CTDSPL: variants seen among roughly 807,000 people sequenced by gnomAD.
CTDSPL encodes CTD small phosphatase-like protein.
CTDSPL carries 8 observed loss-of-function variants against 30.5 expected under a neutral mutation model. The observed-to-expected ratio is 0.26, with a 90% CI of 0.15 to 0.47. CTDSPL has a LOEUF of 0.47. Among genes scored for constraint, CTDSPL ranks in the 20% least tolerant of loss-of-function variants. CTDSPL has a pLI of 0.99. For missense variants in CTDSPL, 248 were observed against 366.1 expected (o/e 0.68, Z 2.63); for synonymous variants, 110 against 137.9 (o/e 0.80, Z 1.42).
chr3:37,895,477 G>A (rs1410279505), intron 1 of CTDSPL, among the ~76,000 whole-genome samples: 1 of 152,154 alleles, frequency 6.6e-6, no homozygotes, highest in Non-Finnish European at 1.5e-5. Context: ...TTGTCCCAAA[G>A]TCTGTCACCC....
At chr3:37,910,639 T>G (rs1198807036) in intron 1 of CTDSPL, among the ~76,000 whole-genome samples, 3 of 152,234 alleles carry the variant, frequency 2.0e-5, no homozygotes, top group African/African-American at 7.2e-5. Context: ...GAGTGTATAT[T>G]TAAATATATT....
At chr3:37,905,542 G>A (rs954173443) in intron 1 of CTDSPL, among the ~76,000 whole-genome samples, 1 of 152,204 alleles carries the variant, frequency 6.6e-6, no homozygotes, top group East Asian at 1.9e-4. Flanking sequence ...AGAATACTCT[G>A]TCAGTTCACA....
At chr3:37,979,920 CAG>C (rs1699470844) in intron 7 of CTDSPL, among the ~76,000 whole-genome samples, 1 of 152,154 alleles carries the variant, frequency 6.6e-6, no homozygotes, top group Non-Finnish European at 1.5e-5. Flanking sequence ...TAAATAAAGA[CAG>C]AGAAGTGTGT....
At chr3:37,878,415 T>C (rs1698162851) in intron 1 of CTDSPL, among the ~76,000 whole-genome samples, 1 of 152,242 alleles carries the variant, frequency 6.6e-6, no homozygotes, top group South Asian at 2.1e-4. Context: ...CAGTTGTTTC[T>C]GCATCATTTA....
intron 4 of CTDSPL, among the ~76,000 whole-genome samples, chr3:37,964,953 CTTT>C (rs1328049788): frequency 6.6e-6 from 1 of 152,166 alleles, no homozygotes; most frequent in Non-Finnish European, 1.5e-5. Context: ...TGCAGAAATA[CTTT>C]TCAGGTGGCA....
chr3:37,875,551 C>T (rs72862293), intron 1 of CTDSPL, among the ~76,000 whole-genome samples: 1 of 152,108 alleles, frequency 6.6e-6, no homozygotes, highest in Admixed American at 6.5e-5. Context: ...ATAAATGTAG[C>T]CTTTTAGTAC....
At chr3:37,872,615 C>A (rs1171683477) in intron 1 of CTDSPL, among the ~76,000 whole-genome samples, 1 of 126,330 alleles carries the variant, frequency 7.9e-6, no homozygotes, top group African/African-American at 3.1e-5. Flanking sequence ...CACTCTGTTG[C>A]CCAGGCTGGA....
Position 37,862,903 on chromosome 3 carries a change from G to T in CTDSPL, c.79+625G>T, listed in dbSNP as rs1046920430. On this transcript the variant is annotated intron_variant, in intron 1 of 7. Transcript: ENST00000273179. The surrounding 1 kb of genome is among the most constrained non-coding windows in gnomAD (Gnocchi z 4.3). ...ACACCACCCAACTGGCGGATTGAAT[G>T]TGTTGTATACATCTACTGGGAGGGC... is the stretch of plus-strand genomic sequence containing the variant. Among the ~76,000 whole-genome samples the T allele has an allele frequency of 2.0e-5, 3 of 152,180 alleles. No homozygotes were observed. Among genetic ancestry groups the T allele is most frequent in the Admixed American group, 6.5e-5 (1 of 15,280 alleles).
intron 1 of CTDSPL, chr3:37,911,569 C>G: frequency 2.4e-6 from 1 of 420,580 alleles, no homozygotes; most frequent in East Asian, 7.1e-5. Flanking sequence ...GTAGCTATTT[C>G]TAATTCCACT....
chr3:37,967,779 T>C, intron 4 of CTDSPL, 47 bp from the exon 5 acceptor site: 1 of 1,414,512 alleles, frequency 7.1e-7, no homozygotes, highest in Admixed American at 2.3e-5. Flanking sequence ...TTTCCAGAGT[T>C]TTTTTGTTCC....
Position 37,967,324 on chromosome 3 carries a change from C to A in CTDSPL, c.370-502C>A, listed in dbSNP as rs1042241070. ...GTGTGGCCTGCGGCCTCTGACTTTA[C>A]CCCCACATGGCCTTGTTACTGTTTT... On this transcript the variant is annotated intron_variant, in intron 4 of 7. Transcript: ENST00000273179. Among the ~76,000 whole-genome samples, 3 of 152,250 alleles carry A rather than the reference C, an allele frequency of 2.0e-5. No individual in the cohort carries two copies. In the East Asian group the frequency reaches 5.8e-4, roughly 29 times the overall value.
At chr3:37,976,102 T>C (rs1026809997) in intron 7 of CTDSPL, among the ~76,000 whole-genome samples, 15 of 152,174 alleles carry the variant, frequency 9.9e-5, no homozygotes, top group African/African-American at 3.6e-4. Flanking sequence ...ATGGGAATTA[T>C]AGGAATGCTG....
chr3:37,964,915 G>A (rs1351475069), intron 4 of CTDSPL, among the ~76,000 whole-genome samples: 2 of 152,318 alleles, frequency 1.3e-5, no homozygotes, highest in African/African-American at 2.4e-5. Context: ...ATTCTTAGGA[G>A]GTTTGCATTT....
At chr3:37,921,953 G>T (rs1000988017) in intron 1 of CTDSPL, among the ~76,000 whole-genome samples, 2 of 152,192 alleles carry the variant, frequency 1.3e-5, no homozygotes, top group African/African-American at 4.8e-5. Flanking sequence ...CCCACATAGG[G>T]CCAGGCGCGG....
chr3:37,981,107 CAT>C lies in CTDSPL; in HGVS notation c.*242_*243del, dbSNP rs1699486467. On this transcript the variant is annotated 3_prime_UTR_variant, in exon 8 of 8. Transcript: ENST00000273179. The stretch of plus-strand genomic sequence containing the variant: ...TTTACTGGGTTTGCTTTTCTTAAAA[CAT>C]ACCAAAAAAGAAAAAAATAGAAAAA... The C allele has an allele frequency of 5.7e-6, 1 of 176,368 alleles. No individual in the cohort carries two copies. The highest frequency in any genetic ancestry group is 2.6e-5 in the African/African-American group (1 of 38,528). The allele number at this position is 176,368 out of a possible 1,614,324, so 10.9% of individuals were successfully genotyped here.
At chr3:37,892,351 A>T (rs528185105) in intron 1 of CTDSPL, among the ~76,000 whole-genome samples, 33 of 152,360 alleles carry the variant, frequency 2.2e-4, no homozygotes, top group African/African-American at 7.2e-4. Flanking sequence ...CTAACATTAT[A>T]ATAATGATAG....
intron 3 of CTDSPL, among the ~76,000 whole-genome samples, chr3:37,959,970 GA>G (rs137890955): frequency 6.6e-6 from 1 of 152,208 alleles, no homozygotes. Flanking sequence ...TGGAGAGGCC[GA>G]GGAGGGCAGA....
rs1164424982 is a variant in CTDSPL at position 37,984,138 on chromosome 3, A to G, written c.*3271A>G. The G allele has an allele frequency of 2.2e-6, 1 of 449,774 alleles. No homozygotes were observed. The highest frequency in any genetic ancestry group is 2.0e-5 in the African/African-American group (1 of 49,998). 27.9% of individuals were successfully genotyped at this position (449,774 alleles called of 1,614,324 possible). A position where few individuals can be genotyped will look rare whatever the true frequency, so the allele number is the denominator to read the frequency against. ...ACAGTTGGCATGCCAGGGTTCGAGA[A>G]GAGTGAATGGCTTGACGTACTTGCA... On this transcript the variant is annotated 3_prime_UTR_variant, in exon 8 of 8. Transcript: ENST00000273179.
chr3:37,912,418 A>G (rs1383286595), intron 1 of CTDSPL, among the ~76,000 whole-genome samples: 1 of 152,190 alleles, frequency 6.6e-6, no homozygotes, highest in Non-Finnish European at 1.5e-5. Flanking sequence ...TGGGTGAGGG[A>G]GAGGCTTAGT....
Sources: gnomAD v4.1 joint callset for allele counts (sites outside exome capture counted in the v4.1 genomes callset) on GRCh38, gnomAD v4.1.1 for gene constraint, Gnocchi (gnomAD v3.1) non-coding constraint, MANE v1.5 for transcripts, NCBI Gene and HGNC (gene_info 2026-07-23, HGNC 2026-07-21) for gene names.